GRIK3: variants seen among roughly 807,000 people sequenced by gnomAD.
The protein encoded by GRIK3 is glutamate ionotropic receptor kainate type subunit 3.
A neutral mutation model predicts 102.5 loss-of-function variants in GRIK3; 29 were observed. The observed-to-expected ratio is 0.28, with a 90% CI of 0.21 to 0.39. The LOEUF is 0.39. Among genes scored for constraint, GRIK3 ranks in the 10% least tolerant of loss-of-function variants. The pLI, the probability that GRIK3 is intolerant of heterozygous loss-of-function variation, is 1.00. For synonymous variants in GRIK3, 511 were observed against 504.9 expected, an observed-to-expected ratio of 1.01 and a Z score of -0.16; for missense variants, 908 against 1,252.4, an observed-to-expected ratio of 0.73 and a Z score of 4.15.
At chr1:36,924,525 T>G (rs1641507195) in intron 1 of GRIK3, among the ~76,000 whole-genome samples, 1 of 152,102 alleles carries the variant, frequency 6.6e-6, no homozygotes, top group African/African-American at 2.4e-5. Flanking sequence ...TGAGCCCCTA[T>G]CACACACACA....
intron 1 of GRIK3, among the ~76,000 whole-genome samples, chr1:37,015,840 G>A (rs1021660857): frequency 2.0e-5 from 3 of 152,262 alleles, no homozygotes; most frequent in Admixed American, 1.3e-4. Context: ...CTGTGTTGGA[G>A]AGATGGGCCT....
chr1:36,803,620 G>A (rs1299497410), intron 15 of GRIK3, among the ~76,000 whole-genome samples: 2 of 151,994 alleles, frequency 1.3e-5, no homozygotes, highest in South Asian at 2.1e-4. Flanking sequence ...TAGTAGAGAC[G>A]GGGTTTTACA....
chr1:36,857,849 T>C (rs1358407223), intron 7 of GRIK3, among the ~76,000 whole-genome samples: 1 of 152,176 alleles, frequency 6.6e-6, no homozygotes, highest in East Asian at 1.9e-4. Context: ...TGGGATTCTC[T>C]CCTTTAGTGC....
chr1:36,853,754 C>T (rs778564672), intron 7 of GRIK3, 32 bp from the exon 8 acceptor site: 1 of 1,196,270 alleles, frequency 8.4e-7, no homozygotes, highest in African/African-American at 1.5e-5. Flanking sequence ...GCGGCAATTC[C>T]TCGGGCTTAT....
In GRIK3 at chr1:36,858,474, T is replaced by C. The variant is rs182625104; in HGVS notation, c.1104+634A>G. 4.8e-4 allele frequency among the ~76,000 whole-genome samples: 73 copies of C among 152,314 alleles called. 1 individual carries two copies. Among genetic ancestry groups the C allele is most frequent in the South Asian group, 2.1e-4 (1 of 4,832 alleles). ...CTTTGAAATAAAAGTAGGCACTGTG[T>C]GTTCCATGGTCTAGGCAGCAGGACA... On this transcript the variant is annotated intron_variant, in intron 7 of 15. Coordinates refer to ENST00000373091, the MANE Select transcript of GRIK3 (RefSeq NM_000831.4).
intron 1 of GRIK3, among the ~76,000 whole-genome samples, chr1:36,942,697 A>C (rs1433874067): frequency 2.0e-5 from 3 of 151,664 alleles, no homozygotes; most frequent in South Asian, 4.2e-4. Context: ...GAGAACTGGG[A>C]AGTCAGGGGC....
intron 2 of GRIK3, among the ~76,000 whole-genome samples, chr1:36,883,659 G>C (rs1030152996): frequency 3.9e-5 from 6 of 152,172 alleles, no homozygotes; most frequent in African/African-American, 1.4e-4. Context: ...TATGTCCCCT[G>C]GTCCCACTGA....
intron 1 of GRIK3, among the ~76,000 whole-genome samples, chr1:36,926,584 T>C (rs1641530432): frequency 6.6e-6 from 1 of 152,134 alleles, no homozygotes; most frequent in Non-Finnish European, 1.5e-5. Context: ...AGAGATGGGC[T>C]TTCACCGTAT....
chr1:36,994,770 T>C (rs1642400375), intron 1 of GRIK3, among the ~76,000 whole-genome samples: 1 of 152,228 alleles, frequency 6.6e-6, no homozygotes. Flanking sequence ...ACCCTGGGCA[T>C]CATTCTAAAC....
chr1:36,960,042 T>C (rs555721308), intron 1 of GRIK3, among the ~76,000 whole-genome samples: 1 of 122,822 alleles, frequency 8.1e-6, no homozygotes, highest in African/African-American at 2.8e-5. Context: ...CGAGTCTGTG[T>C]GCCCTGTGAG....
chr1:36,874,652 G>A (rs776280633), intron 3 of GRIK3, among the ~76,000 whole-genome samples: 3 of 152,150 alleles, frequency 2.0e-5, no homozygotes, highest in African/African-American at 7.2e-5. Context: ...CTGTTACCCC[G>A]TGAGGTCCAG....
chr1:36,846,204 G>T (rs937694358), intron 9 of GRIK3, among the ~76,000 whole-genome samples: 1 of 152,070 alleles, frequency 6.6e-6, no homozygotes, highest in African/African-American at 2.4e-5. Context: ...GTGAGAGGGC[G>T]GGGGAGGGCA....
At chr1:36,970,512 C>T (rs1642129793) in intron 1 of GRIK3, among the ~76,000 whole-genome samples, 2 of 152,206 alleles carry the variant, frequency 1.3e-5, no homozygotes, top group African/African-American at 4.8e-5. Flanking sequence ...CAATTCCTGG[C>T]ACAAAAATTG....
At chr1:36,921,891 C>G (rs1428056714) in intron 1 of GRIK3, among the ~76,000 whole-genome samples, 2 of 152,162 alleles carry the variant, frequency 1.3e-5, no homozygotes, top group Non-Finnish European at 2.9e-5. Flanking sequence ...CTCGGGTCAC[C>G]TGGGGTCCAG....
chr1:36,990,190 G>A (rs1642349597), intron 1 of GRIK3, among the ~76,000 whole-genome samples: 1 of 152,126 alleles, frequency 6.6e-6, no homozygotes, highest in African/African-American at 2.4e-5. Flanking sequence ...CCCTTCCAGT[G>A]CCTCCCTTAG....
At chr1:36,896,321 T>A (rs1384818893) in intron 1 of GRIK3, among the ~76,000 whole-genome samples, 1 of 152,164 alleles carries the variant, frequency 6.6e-6, no homozygotes, top group Non-Finnish European at 1.5e-5. Flanking sequence ...CACTTATGTA[T>A]GCTTATATAT....
chr1:36,984,000 G>A (rs1160422842), intron 1 of GRIK3, among the ~76,000 whole-genome samples: 1 of 152,176 alleles, frequency 6.6e-6, no homozygotes, highest in Non-Finnish European at 1.5e-5. Flanking sequence ...CACCCAATAA[G>A]AATCCAAAGA....
chr1:36,941,821 G>C (rs186646427), intron 1 of GRIK3, among the ~76,000 whole-genome samples: 1 of 151,884 alleles, frequency 6.6e-6, no homozygotes, highest in Non-Finnish European at 1.5e-5. Flanking sequence ...CTTTTAAAGG[G>C]GAGCAGAATT....
At chr1:36,937,185 G>C (rs1641668684) in intron 1 of GRIK3, among the ~76,000 whole-genome samples, 1 of 152,200 alleles carries the variant, frequency 6.6e-6, no homozygotes. Flanking sequence ...ACTCTGAAAA[G>C]ATGAGCTGTC....
Sources: gnomAD v4.1 joint callset for allele counts (sites outside exome capture counted in the v4.1 genomes callset) on GRCh38, gnomAD v4.1.1 for gene constraint, MANE v1.5 for transcripts, NCBI Gene and HGNC (gene_info 2026-07-23, HGNC 2026-07-21) for gene names.